Variants in UBE3A observed in about 807,000 individuals in gnomAD.
UBE3A encodes the protein ubiquitin-protein ligase E3A.
Under a neutral mutation model 83.4 loss-of-function variants are expected in UBE3A, and 6 were observed. The ratio of observed to expected loss-of-function variants is 0.07; its 90% CI spans 0.04 to 0.14. The LOEUF is 0.14. Among genes scored for constraint, UBE3A ranks in the 10% least tolerant of loss-of-function variants. UBE3A has a pLI of 1.00. For missense variants in UBE3A, 456 were observed against 1,036.1 expected, an observed-to-expected ratio of 0.44 and a Z score of 7.69; for synonymous variants, 337 against 355.4, an observed-to-expected ratio of 0.95 and a Z score of 0.58.
At chr15:25,364,036 T>TAATAAATAAATAAATAAATAAATA (rs370238150) in intron 6 of UBE3A, among the ~76,000 whole-genome samples, 32 of 137,626 alleles carry the variant, frequency 2.3e-4, no homozygotes, top group African/African-American at 6.9e-4. Context: ...TACAAAAAAC[T>TAATAAATAAATAAATAAATAAATA]AATAAATAAA....
chr15:25,408,672 CCA>C (rs2089276856), intron 3 of UBE3A: 2 of 1,613,016 alleles, frequency 1.2e-6, no homozygotes, highest in Admixed American at 3.3e-5. Flanking sequence ...CCTTTTACCT[CCA>C]CTGTAACTCT....
intron 7 of UBE3A, among the ~76,000 whole-genome samples, chr15:25,358,726 C>A (rs942827764): frequency 6.6e-6 from 1 of 152,140 alleles, no homozygotes; most frequent in Non-Finnish European, 1.5e-5. Flanking sequence ...TTTCCTTGAT[C>A]ACTAGGAGTA....
intron 1 of UBE3A, among the ~76,000 whole-genome samples, chr15:25,412,177 A>G (rs1057308963): frequency 7.2e-5 from 11 of 152,260 alleles, no homozygotes; most frequent in African/African-American, 2.7e-4. Context: ...TGCTTTCAGC[A>G]GGCAAAGCCA....
intron 6 of UBE3A, among the ~76,000 whole-genome samples, chr15:25,369,061 A>G (rs920992297): frequency 3.3e-5 from 5 of 152,168 alleles, no homozygotes; most frequent in Non-Finnish European, 7.4e-5. Flanking sequence ...ATAGTCATAG[A>G]CAGACCTCAA....
intron 3 of UBE3A, among the ~76,000 whole-genome samples, chr15:25,406,702 ACAC>A: frequency 6.6e-6 from 1 of 151,544 alleles, no homozygotes; most frequent in Non-Finnish European, 1.5e-5. Context: ...ACACACACAC[ACAC>A]ACACACACAC....
In UBE3A at chr15:25,365,190, T is replaced by A. The variant is rs544597860; in HGVS notation, c.1609-4663A>T. 2.7e-3 allele frequency among the ~76,000 whole-genome samples: 397 copies of A among 149,720 alleles called. 2 individuals are homozygous for A. Among genetic ancestry groups the A allele is most frequent in the African/African-American group, 8.0e-3 (328 of 40,966 alleles). On this transcript the variant is annotated intron_variant, in intron 6 of 12. Coordinates refer to ENST00000648336, the MANE Select transcript of UBE3A (RefSeq NM_130839.5). ...ATGAAATCCTAGGGAGTTCATTTTT[T>A]AAAAAAAAAATCTGACCTGATATCA...
intron 1 of UBE3A, among the ~76,000 whole-genome samples, chr15:25,425,077 C>T (rs957944916): frequency 6.6e-6 from 1 of 152,098 alleles, no homozygotes; most frequent in Non-Finnish European, 1.5e-5. Flanking sequence ...AGTTAGAATA[C>T]TCACATTTCC....
intron 4 of UBE3A, among the ~76,000 whole-genome samples, chr15:25,395,015 T>C (rs1352476760): frequency 6.6e-6 from 1 of 152,216 alleles, no homozygotes; most frequent in Non-Finnish European, 1.5e-5. Flanking sequence ...TGATCATTCT[T>C]TGATGCAGCC....
rs2073978874 is a variant in UBE3A at position 25,336,705 on chromosome 15, T to C, written c.*2432A>G. 6.6e-6 allele frequency: 1 copy of C among 152,170 alleles called. No individual in the cohort carries two copies. Among genetic ancestry groups the C allele is most frequent in the African/African-American group, 2.4e-5 (1 of 41,450 alleles). 9.4% of individuals were successfully genotyped at this position (152,170 alleles called of 1,614,324 possible). ...AGGCTGTTTTCATGTTTTATGTATG[T>C]TTGAAATGTTCTATAATAATAAAAG... On this transcript the variant is annotated 3_prime_UTR_variant, in exon 13 of 13. Coordinates refer to ENST00000648336, the MANE Select transcript of UBE3A (RefSeq NM_130839.5).
intron 6 of UBE3A, among the ~76,000 whole-genome samples, chr15:25,363,153 T>G (rs2078404200): frequency 1.3e-5 from 2 of 152,214 alleles, no homozygotes; most frequent in Non-Finnish European, 2.9e-5. Context: ...CTGATCTCTA[T>G]TCTATGCTCC....
intron 6 of UBE3A, among the ~76,000 whole-genome samples, chr15:25,366,214 G>A (rs1340263976): frequency 6.6e-6 from 1 of 152,112 alleles, no homozygotes; most frequent in Non-Finnish European, 1.5e-5. Flanking sequence ...TCACAAGAAA[G>A]AACAATGGAA....
intron 1 of UBE3A, among the ~76,000 whole-genome samples, chr15:25,429,335 G>A (rs911572714): frequency 2.0e-5 from 3 of 151,932 alleles, no homozygotes; most frequent in Non-Finnish European, 2.9e-5. Context: ...GGATAAAAAT[G>A]GACATAATTT....
chr15:25,359,072 T>G (rs2077629287), intron 7 of UBE3A, among the ~76,000 whole-genome samples: 1 of 152,218 alleles, frequency 6.6e-6, no homozygotes. Context: ...TTTTCTCATG[T>G]TCCAGGGAGA....
intron 3 of UBE3A, chr15:25,407,316 T>C (rs1207367334): frequency 3.0e-6 from 3 of 1,009,270 alleles, no homozygotes; most frequent in East Asian, 1.1e-4. Flanking sequence ...AGCAAAACTT[T>C]CAAAATTAAC....
intron 1 of UBE3A, among the ~76,000 whole-genome samples, chr15:25,422,776 ACCAGTCTGGGCAACAC>A (rs1457182716): frequency 6.7e-6 from 1 of 149,046 alleles, no homozygotes; most frequent in Non-Finnish European, 1.5e-5. Context: ...GAAGTTTGAG[ACCAGTCTGGGCAACAC>A]ACTGAGATAC....
Position 25,410,735 on chromosome 15 carries a change from T to C in UBE3A, c.-101+1173A>G, listed in dbSNP as rs560694796. Among the ~76,000 whole-genome samples, 122 of 152,294 alleles carry C rather than the reference T, an allele frequency of 8.0e-4. 1 individual carries two copies. In the South Asian group the frequency reaches 0.023, roughly 29 times the overall value. ...ATATATAAAAATAATTGCAGGGGAT[T>C]CCAATAAATGGGATTTATAGTATCT... On this transcript the variant is annotated intron_variant, in intron 2 of 12. Coordinates refer to ENST00000648336, the MANE Select transcript of UBE3A (RefSeq NM_130839.5).
intron 4 of UBE3A, chr15:25,391,714 T>A (rs2084434361): frequency 1.3e-5 from 2 of 152,122 alleles, no homozygotes; most frequent in Admixed American, 1.3e-4. Context: ...GACAAGTCTC[T>A]AAGAGAAGGA....
chr15:25,427,532 A>G (rs1891678344), intron 1 of UBE3A, among the ~76,000 whole-genome samples: 1 of 150,920 alleles, frequency 6.6e-6, no homozygotes, highest in African/African-American at 2.4e-5. Flanking sequence ...TGTTCACAAT[A>G]ATACAAAGGA....
chr15:25,348,853 G>GAAT, intron 11 of UBE3A, among the ~76,000 whole-genome samples: 1 of 152,310 alleles, frequency 6.6e-6, no homozygotes, highest in Admixed American at 6.5e-5. Context: ...AGGATTGGAA[G>GAAT]AATATATTGT....
Sources: gnomAD v4.1 joint callset for allele counts (sites outside exome capture counted in the v4.1 genomes callset) on GRCh38, gnomAD v4.1.1 for gene constraint, MANE v1.5 for transcripts, NCBI Gene and HGNC (gene_info 2026-07-23, HGNC 2026-07-21) for gene names.